The following QTGAL variants were observed in gnomAD, a reference collection of about 807,000 sequenced individuals.
QTGAL encodes BGnT-like protein 1.
chr17:82,965,750 G>C, the QTGAL span: 2 of 1,609,320 alleles, frequency 1.2e-6, no homozygotes, highest in Non-Finnish European at 1.7e-6. Flanking sequence ...TGAAAACCTA[G>C]AAGCAATTAA....
chr17:83,011,743 A>G, the QTGAL span, among the ~76,000 whole-genome samples: 19 of 152,216 alleles, frequency 1.2e-4, no homozygotes, highest in South Asian at 2.1e-4. Flanking sequence ...GCATCAGCGA[A>G]GGCAGTGAGA....
chr17:83,046,388 C>T, the QTGAL span, among the ~76,000 whole-genome samples: 81 of 152,278 alleles, frequency 5.3e-4, no homozygotes, highest in Non-Finnish European at 1.1e-3. Flanking sequence ...CCACCCGTCT[C>T]GGCCTCCCGA....
the QTGAL span, chr17:83,048,360 T>C: frequency 3.1e-6 from 3 of 980,212 alleles, no homozygotes; most frequent in South Asian, 4.3e-5. Flanking sequence ...GTATATCCAA[T>C]TACCACCAGG....
At chr17:83,005,262 G>T in the QTGAL span, 1 of 1,405,894 alleles carries the variant, frequency 7.1e-7, no homozygotes, top group African/African-American at 1.4e-5. The surrounding 1 kb of genome is among the most constrained non-coding windows in gnomAD (Gnocchi z 5.6). Flanking sequence ...GTACGCAGGT[G>T]CATGTGCACA....
chr17:82,953,013 G>A, the QTGAL span, among the ~76,000 whole-genome samples: 4,918 of 152,200 alleles, frequency 0.032, 174 homozygotes, highest in Admixed American at 0.11. Flanking sequence ...GAGAGACAAC[G>A]TACCAGAATC....
At chr17:82,942,870 G>A in the QTGAL span, 1 of 279,378 alleles carries the variant, frequency 3.6e-6, no homozygotes, top group African/African-American at 2.2e-5. Flanking sequence ...GCCACAGGCA[G>A]TGCCCCACCC....
At chr17:82,970,579 G>A in the QTGAL span, among the ~76,000 whole-genome samples, 1 of 135,070 alleles carries the variant, frequency 7.4e-6, no homozygotes, top group African/African-American at 3.4e-5. Context: ...CACCCGGCGT[G>A]GCCGCGACCT....
At chr17:83,017,460 T>TA in the QTGAL span, among the ~76,000 whole-genome samples, 880 of 143,644 alleles carry the variant, frequency 6.1e-3, 6 homozygotes, top group Admixed American at 7.4e-3. Context: ...CTGGCTCTAC[T>TA]AAAAAAAAAA....
At chr17:82,965,658 C>G in the QTGAL span, 6 of 1,608,402 alleles carry the variant, frequency 3.7e-6, no homozygotes, top group Non-Finnish European at 5.1e-6. Flanking sequence ...TACCTGACCT[C>G]CCTCGTTAAA....
the QTGAL span, among the ~76,000 whole-genome samples, chr17:82,964,030 G>GGGGGA: frequency 3.7e-5 from 5 of 134,612 alleles, no homozygotes; most frequent in African/African-American, 1.4e-4. Flanking sequence ...GCTGAGGTCG[G>GGGGGA]GGGGGTGGAT....
At chr17:82,971,684 C>A in the QTGAL span, among the ~76,000 whole-genome samples, 3 of 8,910 alleles carry the variant, frequency 3.4e-4, no homozygotes, top group African/African-American at 1.9e-3. Context: ...ACCTGGTGCC[C>A]ACCACACCAC....
At chr17:83,042,977 G>T in the QTGAL span, among the ~76,000 whole-genome samples, 3 of 152,144 alleles carry the variant, frequency 2.0e-5, no homozygotes, top group African/African-American at 7.2e-5. Context: ...TGATCAAGAA[G>T]ATATAACAAG....
the QTGAL span, among the ~76,000 whole-genome samples, chr17:83,008,921 C>A: frequency 5.3e-5 from 8 of 152,180 alleles, no homozygotes; most frequent in Admixed American, 2.0e-4. Context: ...GGTGAGGATG[C>A]CTGCGAATGG....
chr17:82,967,626 C>T, the QTGAL span, among the ~76,000 whole-genome samples: 68 of 152,208 alleles, frequency 4.5e-4, no homozygotes, highest in Middle Eastern at 6.8e-3. Context: ...AATACCATTG[C>T]ACCCTCTAGG....
At chr17:83,027,699 C>CAAAAA in the QTGAL span, among the ~76,000 whole-genome samples, 41 of 31,386 alleles carry the variant, frequency 1.3e-3, no homozygotes, top group Middle Eastern at 0.045. Context: ...GAGACGCTCT[C>CAAAAA]AAAAAAAAAA....
the QTGAL span, chr17:82,942,759 C>T: frequency 3.8e-6 from 2 of 520,472 alleles, no homozygotes; most frequent in East Asian, 3.4e-5. Flanking sequence ...GAAAGGCTCA[C>T]TGCCCAGGGG....
chr17:82,968,725 C>T, the QTGAL span, among the ~76,000 whole-genome samples: 3 of 152,328 alleles, frequency 2.0e-5, no homozygotes, highest in South Asian at 2.1e-4. Flanking sequence ...GTTGGCCGGG[C>T]GCGGTGGCTC....
the QTGAL span, among the ~76,000 whole-genome samples, chr17:83,051,448 G>C: frequency 6.6e-6 from 1 of 152,178 alleles, no homozygotes; most frequent in Non-Finnish European, 1.5e-5. Flanking sequence ...TTCAAAATCA[G>C]AACGAGGAAG....
At chr17:83,040,522 A>C in the QTGAL span, among the ~76,000 whole-genome samples, 8 of 152,248 alleles carry the variant, frequency 5.3e-5, no homozygotes, top group African/African-American at 1.9e-4. Context: ...AGCATCATGA[A>C]ATTTCAAAAT....
Sources: allele counts gnomAD v4.1 joint callset (sites outside exome capture counted in the v4.1 genomes callset), GRCh38; gene constraint gnomAD v4.1.1; non-coding constraint Gnocchi (gnomAD v3.1); transcripts MANE v1.5; gene names NCBI Gene and HGNC (gene_info 2026-07-23, HGNC 2026-07-21).